Variants in BMPR2 observed in about 807,000 individuals in gnomAD.
The protein encoded by BMPR2 is bone morphogenetic protein receptor type 2.
A neutral mutation model predicts 100.8 loss-of-function variants in BMPR2; 29 were observed. The observed-to-expected ratio is 0.29, with a 90% CI of 0.21 to 0.39. The LOEUF (loss-of-function observed/expected upper bound fraction) is 0.39, where lower values mean the gene tolerates loss of function less well. Among genes scored for constraint, BMPR2 ranks in the 10% least tolerant of loss-of-function variants. The probability of loss-of-function intolerance (pLI) is 1.00; values close to 1 mark genes in which losing one functional copy is unlikely to be tolerated. For missense variants in BMPR2, 1,011 were observed against 1,274.5 expected, an observed-to-expected ratio of 0.79 and a Z score of 3.15; for synonymous variants, 382 against 442.3, an observed-to-expected ratio of 0.86 and a Z score of 1.71.
At chr2:202,480,818 G>C (rs1302127250) in intron 3 of BMPR2, among the ~76,000 whole-genome samples, 1 of 151,746 alleles carries the variant, frequency 6.6e-6, no homozygotes, top group African/African-American at 2.4e-5. Context: ...AGCCAGGCGT[G>C]GTGGCATGTG....
chr2:202,386,719 C>T (rs765058561), intron 1 of BMPR2, among the ~76,000 whole-genome samples: 38 of 151,170 alleles, frequency 2.5e-4, no homozygotes, highest in Non-Finnish European at 5.2e-4. Context: ...CTTGCTCTGT[C>T]GTCTAGGCTG....
intron 2 of BMPR2, among the ~76,000 whole-genome samples, chr2:202,465,805 A>T (rs1019818831): frequency 2.6e-5 from 4 of 152,266 alleles, no homozygotes; most frequent in Admixed American, 1.3e-4. Flanking sequence ...GTGAGCCGAG[A>T]TCGCACCACT....
intron 1 of BMPR2, among the ~76,000 whole-genome samples, chr2:202,421,458 C>T (rs1691260050): frequency 7.7e-6 from 1 of 130,474 alleles, no homozygotes; most frequent in Admixed American, 8.1e-5. Context: ...CTACCCGCCC[C>T]CACCTTTTTT....
At chr2:202,409,204 G>A (rs1233292476) in intron 1 of BMPR2, among the ~76,000 whole-genome samples, 1 of 152,056 alleles carries the variant, frequency 6.6e-6, no homozygotes, top group Non-Finnish European at 1.5e-5. Flanking sequence ...AATTAATCAG[G>A]TGTGGTGGTG....
chr2:202,421,524 G>A (rs1486974770), intron 1 of BMPR2, among the ~76,000 whole-genome samples: 1 of 149,260 alleles, frequency 6.7e-6, no homozygotes, highest in East Asian at 2.0e-4. Flanking sequence ...TTGGCAGAGA[G>A]GAATTTTAAG....
intron 1 of BMPR2, among the ~76,000 whole-genome samples, chr2:202,402,171 C>T (rs745349743): frequency 6.6e-5 from 10 of 152,150 alleles, no homozygotes; most frequent in Non-Finnish European, 1.0e-4. Flanking sequence ...GCCTTTTTTA[C>T]GTAGTAACTT....
intron 5 of BMPR2, among the ~76,000 whole-genome samples, chr2:202,516,228 A>C (rs933876054): frequency 6.6e-6 from 1 of 152,228 alleles, no homozygotes; most frequent in Admixed American, 6.5e-5. Context: ...TGACTATATA[A>C]AAAATTGTAA....
chr2:202,507,061 A>C (rs2105996661), intron 3 of BMPR2, among the ~76,000 whole-genome samples: 1 of 144,410 alleles, frequency 6.9e-6, no homozygotes, highest in South Asian at 2.3e-4. Context: ...CAAGAGAGTG[A>C]GACTCTGCCT....
Position 202,377,359 on chromosome 2 carries a change from T to C in BMPR2, c.-116T>C. 1.0e-6 allele frequency: 1 copy of C among 977,556 alleles called. No homozygotes were observed. The highest frequency in any genetic ancestry group is 1.7e-5 in the Admixed American group (1 of 58,752). 60.6% of individuals were successfully genotyped at this position (977,556 alleles called of 1,614,324 possible). A position where few individuals can be genotyped will look rare whatever the true frequency, so the allele number is the denominator to read the frequency against. On this transcript the variant is annotated 5_prime_UTR_variant, in exon 1 of 13. Transcript: ENST00000374580. ...AGCCATTTGTCCTTTCAAACTGTATTGTGATACGGGCAGGATCAGTCCACG... is the reference window on the plus strand; with the variant it reads ...AGCCATTTGTCCTTTCAAACTGTATCGTGATACGGGCAGGATCAGTCCACG...
At chr2:202,396,811 C>T (rs1164164771) in intron 1 of BMPR2, among the ~76,000 whole-genome samples, 1 of 149,638 alleles carries the variant, frequency 6.7e-6, no homozygotes, top group African/African-American at 2.4e-5. Flanking sequence ...TTTTTTGAAA[C>T]GGAGTTTCGG....
chr2:202,488,015 C>T (rs1046983105), intron 3 of BMPR2, among the ~76,000 whole-genome samples: 6 of 152,172 alleles, frequency 3.9e-5, no homozygotes, highest in South Asian at 2.1e-4. Context: ...CCACTGCGCC[C>T]AGCCTATTTC....
rs1688704530 is a variant in BMPR2, at chr2:202,563,207, G to C, written c.*3261G>C. On this transcript the variant is annotated 3_prime_UTR_variant, in exon 13 of 13. Coordinates refer to ENST00000374580, the MANE Select transcript of BMPR2 (RefSeq NM_001204.7). The stretch of plus-strand genomic sequence containing the variant: ...CCCGCACTTTGGGAGGCCGAGCCGG[G>C]TGGATCATGAGGTCAGACGTTCAAC... 6.6e-6 allele frequency: 1 copy of C among 152,240 alleles called. No homozygotes were observed. Among genetic ancestry groups the C allele is most frequent in the Non-Finnish European group, 1.5e-5 (1 of 68,060 alleles). 9.4% of individuals were successfully genotyped at this position (152,240 alleles called of 1,614,324 possible).
chr2:202,501,474 T>G (rs952593159), intron 3 of BMPR2, among the ~76,000 whole-genome samples: 3 of 152,112 alleles, frequency 2.0e-5, no homozygotes, highest in Non-Finnish European at 2.9e-5. Flanking sequence ...GGACAGAACT[T>G]CTCTTTATAT....
At chr2:202,477,268 A>G (rs1692568234) in intron 3 of BMPR2, among the ~76,000 whole-genome samples, 1 of 152,198 alleles carries the variant, frequency 6.6e-6, no homozygotes, top group African/African-American at 2.4e-5. Context: ...TCTTTAAGTC[A>G]TTTTAGAAAC....
intron 1 of BMPR2, 106 bp downstream of exon 1, chr2:202,377,656 C>A (rs914586904): frequency 1.5e-6 from 2 of 1,347,872 alleles, no homozygotes; most frequent in Non-Finnish European, 2.1e-6. Flanking sequence ...TGCGTCCCCC[C>A]GATCGCGGTG....
chr2:202,558,275 G>A (rs1300100902), intron 12 of BMPR2, among the ~76,000 whole-genome samples: 3 of 151,454 alleles, frequency 2.0e-5, no homozygotes, highest in African/African-American at 4.8e-5. Context: ...ACCATGCCCT[G>A]CTAATTATTG....
In BMPR2 at chr2:202,417,035, A is replaced by G. The variant is rs187784635; in HGVS notation, c.76+39485A>G. 1.8e-4 allele frequency among the ~76,000 whole-genome samples: 27 copies of G among 149,818 alleles called. No homozygotes were observed. In the East Asian group the frequency reaches 5.5e-3, roughly 30 times the overall value. ...GTGTTTTTAGTAGAGACGGGATTTC[A>G]CTGTGTTAGCCAGGATGGTCTGAAT... On this transcript the variant is annotated intron_variant, in intron 1 of 12. Transcript: ENST00000374580.
chr2:202,380,992 T>TG (rs1690278050), intron 1 of BMPR2, among the ~76,000 whole-genome samples: 1 of 142,650 alleles, frequency 7.0e-6, no homozygotes, highest in Non-Finnish European at 1.5e-5. Context: ...TTTTTTTTTT[T>TG]GAGACAGAGT....
rs1164170625 is a variant in BMPR2 at position 202,560,319 on chromosome 2, C to G, written c.*373C>G. On this transcript the variant is annotated 3_prime_UTR_variant, in exon 13 of 13. Transcript: ENST00000374580. ...TTTCTTAAGGTCATTAAAACAGAAG[C>G]AAATTAAGACAGGTTTGACTGCAGT... 8.4e-6 allele frequency: 2 copies of G among 236,786 alleles called. No homozygotes were observed. Among genetic ancestry groups the G allele is most frequent in the African/African-American group, 2.3e-5 (1 of 43,250 alleles). The allele number at this position is 236,786 out of a possible 1,614,324, so 14.7% of individuals were successfully genotyped here.
Sources: allele counts gnomAD v4.1 joint callset (sites outside exome capture counted in the v4.1 genomes callset), GRCh38; gene constraint gnomAD v4.1.1; transcripts MANE v1.5; gene names NCBI Gene and HGNC (gene_info 2026-07-23, HGNC 2026-07-21).